The following DUSP10 variants were observed in gnomAD, a reference collection of about 807,000 sequenced individuals.
The protein encoded by DUSP10 is dual specificity phosphatase 10, also known as dual specificity protein phosphatase 10.
In DUSP10, 14 loss-of-function variants were observed where a neutral mutation model predicts 30.8. That is an observed-to-expected ratio of 0.46 (90% CI 0.30 to 0.71). DUSP10 has a LOEUF of 0.71. DUSP10 is among the 30% of genes least tolerant of loss of function. The probability of loss-of-function intolerance (pLI) is 0.08; values close to 1 mark genes in which losing one functional copy is unlikely to be tolerated. For missense variants in DUSP10, 550 were observed against 619.4 expected (o/e 0.89, Z 1.19); for synonymous variants, 254 against 250.4 (o/e 1.01, Z -0.14).
Position 221,706,007 on chromosome 1 carries a change from C to T in DUSP10, c.1183+88G>A, listed in dbSNP as rs1660747717. On this transcript the variant is annotated intron_variant, in intron 3 of 3. Transcript: ENST00000366899. This position sits in a 1 kb window ranked among gnomAD's most constrained non-coding sequence, Gnocchi z 4.6. ...CCAGGGCAGCTTTTCTTTTCCAACA[C>T]AGGAATAAACCTTGAACTTGATATC... 1 of 1,517,586 alleles carries T rather than the reference C, an allele frequency of 6.6e-7. No individual in the cohort carries two copies. Among genetic ancestry groups the T allele is most frequent in the Non-Finnish European group, 8.8e-7 (1 of 1,133,094 alleles). The allele number at this position is 1,517,586 out of a possible 1,614,324, so 94.0% of individuals were successfully genotyped here. A position where few individuals can be genotyped will look rare whatever the true frequency, so the allele number is the denominator to read the frequency against.
chr1:221,734,063 A>G (rs1389768107), intron 2 of DUSP10, among the ~76,000 whole-genome samples: 2 of 152,114 alleles, frequency 1.3e-5, no homozygotes, highest in Non-Finnish European at 2.9e-5. Flanking sequence ...TTCTAACTCA[A>G]CACAACCCTA....
At chr1:221,740,805 C>T (rs755089310) in intron 1 of DUSP10, among the ~76,000 whole-genome samples, 21 of 152,146 alleles carry the variant, frequency 1.4e-4, no homozygotes, top group Non-Finnish European at 2.4e-4. Flanking sequence ...TGAATTGTTG[C>T]CCACCGGATC....
chr1:221,739,291 G>A lies in DUSP10; in HGVS notation c.454C>T (p.Pro152Ser). 6.2e-7 allele frequency: 1 copy of A among 1,614,154 alleles called. No homozygotes were observed. Among genetic ancestry groups the A allele is most frequent in the Admixed American group, 1.7e-5 (1 of 60,026 alleles). The change falls in exon 2 of 4, where the codon CCC (proline) becomes TCC (serine). Residue 152 changes from proline to serine, a missense_variant. Transcript: ENST00000366899. ...GTCATCTTCTTTGCCAAGTCATTGG[G>A]GTAGATTATTTTGATGCTGGCTAGC... ...KQLASIKIIY[P>S]NDLAKKMTKC...
chr1:221,738,628 C>T (rs1227441101), intron 2 of DUSP10, among the ~76,000 whole-genome samples: 1 of 152,186 alleles, frequency 6.6e-6, no homozygotes, highest in Non-Finnish European at 1.5e-5. Context: ...CTTGAGATAC[C>T]ATCTGGTGTG....
At chr1:221,724,740 G>A (rs970260792) in intron 2 of DUSP10, among the ~76,000 whole-genome samples, 3 of 152,178 alleles carry the variant, frequency 2.0e-5, no homozygotes, top group African/African-American at 7.2e-5. Context: ...TGCACATGGA[G>A]GGGTAGTGAC....
At chr1:221,725,591 A>C (rs1260914207) in intron 2 of DUSP10, among the ~76,000 whole-genome samples, 3 of 152,262 alleles carry the variant, frequency 2.0e-5, no homozygotes, top group Non-Finnish European at 2.9e-5. Context: ...TATTTTATCA[A>C]GGAAGACAAG....
intron 2 of DUSP10, among the ~76,000 whole-genome samples, chr1:221,724,911 A>C (rs1661382132): frequency 6.6e-6 from 1 of 152,196 alleles, no homozygotes; most frequent in Non-Finnish European, 1.5e-5. Context: ...CTTTTATTTC[A>C]GCACTCCAAC....
chr1:221,727,703 T>C (rs1394431549), intron 2 of DUSP10, among the ~76,000 whole-genome samples: 2 of 152,370 alleles, frequency 1.3e-5, no homozygotes, highest in South Asian at 2.1e-4. Context: ...TCAGTGAAGT[T>C]AATCTCCTTG....
chr1:221,736,878 C>A, intron 2 of DUSP10: 1 of 985,484 alleles, frequency 1.0e-6, no homozygotes, highest in Non-Finnish European at 1.2e-6. Flanking sequence ...TCGACTGCCG[C>A]GGTGTCTCAC....
chr1:221,728,037 G>A (rs966835497), intron 2 of DUSP10, among the ~76,000 whole-genome samples: 1 of 152,206 alleles, frequency 6.6e-6, no homozygotes, highest in Non-Finnish European at 1.5e-5. Context: ...ATTCCATGGA[G>A]TGGATCATCA....
chr1:221,704,559 T>A (rs1396169777), intron 3 of DUSP10, among the ~76,000 whole-genome samples: 1 of 152,214 alleles, frequency 6.6e-6, no homozygotes, highest in East Asian at 1.9e-4. Context: ...CGCTCCAGGT[T>A]TGGCTCAGAT....
At chr1:221,724,130 A>G (rs564085919) in intron 2 of DUSP10, among the ~76,000 whole-genome samples, 2 of 152,312 alleles carry the variant, frequency 1.3e-5, no homozygotes, top group East Asian at 3.9e-4. Flanking sequence ...CAAATTCTCT[A>G]TTATACAACA....
intron 2 of DUSP10, chr1:221,711,947 C>CT (rs1660948349): frequency 6.6e-6 from 1 of 152,186 alleles, no homozygotes; most frequent in Non-Finnish European, 1.5e-5. Flanking sequence ...GCTGCCAAGG[C>CT]TGAAATCTTC....
At chr1:221,713,811 G>C (rs931918903) in intron 2 of DUSP10, among the ~76,000 whole-genome samples, 1 of 152,146 alleles carries the variant, frequency 6.6e-6, no homozygotes, top group African/African-American at 2.4e-5. Flanking sequence ...ATGAAGACAG[G>C]TGACTGCTGA....
rs35552569 is a variant in DUSP10, at chr1:221,738,992, T to G, written c.753A>C (p.Pro251=). The G allele has an allele frequency of 4.3e-3, 6,947 of 1,614,120 alleles. 23 individuals are homozygous for G. The highest frequency in any genetic ancestry group is 5.1e-3 in the Non-Finnish European group (5,998 of 1,179,998). The change falls in exon 2 of 4, where the codon CCA becomes CCC. Residue 251 remains proline (P), a synonymous_variant. Coordinates refer to ENST00000366899, the MANE Select transcript of DUSP10 (RefSeq NM_007207.6). ...TCAGGGACTCGAGGACTATGTGAAG[T>G]GGCTGGGAGGGCATCACTCGGCTTG... The part of the protein sequence containing the change: ...NEPSRVMPSQ[P]LHIVLESLKR...
At chr1:221,728,650 C>T (rs1161458656) in intron 2 of DUSP10, among the ~76,000 whole-genome samples, 2 of 152,204 alleles carry the variant, frequency 1.3e-5, no homozygotes, top group Non-Finnish European at 2.9e-5. Flanking sequence ...TCTTCACCTA[C>T]TTGAGGGAAA....
intron 2 of DUSP10, among the ~76,000 whole-genome samples, chr1:221,713,305 G>A (rs566514745): frequency 2.3e-4 from 35 of 152,194 alleles, no homozygotes; most frequent in Non-Finnish European, 4.3e-4. Flanking sequence ...GCCGGAGGAA[G>A]TGGCATGCAG....
rs148718278 is a variant in DUSP10 at position 221,739,417 on chromosome 1, T to C, written c.328A>G (p.Thr110Ala). 2.2e-5 allele frequency: 36 copies of C among 1,614,112 alleles called. No individual in the cohort carries two copies. In the African/African-American group the frequency reaches 4.0e-4, roughly 18 times the overall value. The change falls in exon 2 of 4, where the codon ACC (threonine) becomes GCC (alanine). Residue 110 changes from threonine to alanine, a missense_variant. Physicochemically the swap from Thr to Ala is moderately conservative, Grantham distance 58. Coordinates refer to ENST00000366899, the MANE Select transcript of DUSP10 (RefSeq NM_007207.6). Reference protein sequence around the residue: ...GTTTTAIGTSTTCPANQMVNN... With the variant: ...GTTTTAIGTSATCPANQMVNN... ...ACCATCTGGTTAGCAGGGCAGGTGG[T>C]AGAGGTTCCGATGGCAGTGGTGGTG...
chr1:221,728,974 A>G (rs1044395881), intron 2 of DUSP10, among the ~76,000 whole-genome samples: 4 of 152,194 alleles, frequency 2.6e-5, no homozygotes, highest in Non-Finnish European at 5.9e-5. Flanking sequence ...AGTATACCAG[A>G]GCTACACCCA....
Sources: allele counts gnomAD v4.1 joint callset (sites outside exome capture counted in the v4.1 genomes callset), GRCh38; gene constraint gnomAD v4.1.1; non-coding constraint Gnocchi (gnomAD v3.1); transcripts MANE v1.5; gene names NCBI Gene and HGNC (gene_info 2026-07-23, HGNC 2026-07-21).